Variants in FGFBP1 observed in about 807,000 individuals in gnomAD.
The protein encoded by FGFBP1 is fibroblast growth factor binding protein 1, also known as fibroblast growth factor-binding protein 1.
Under a neutral mutation model 14.6 loss-of-function variants are expected in FGFBP1, and 12 were observed. The ratio of observed to expected loss-of-function variants is 0.82; its 90% CI spans 0.53 to 1.33. FGFBP1 has a LOEUF of 1.33. Among genes scored for constraint, FGFBP1 ranks in the 40% most tolerant of loss-of-function variants. The pLI, the probability that FGFBP1 is intolerant of heterozygous loss-of-function variation, is 0.00. For missense variants in FGFBP1, 317 were observed against 271.8 expected (o/e 1.17, Z -1.17); for synonymous variants, 117 against 105.0 (o/e 1.11, Z -0.70).
chr4:15,938,334 G>C lies in FGFBP1; in HGVS notation c.-104C>G, dbSNP rs1712545615. 1 of 152,358 alleles carries C rather than the reference G, an allele frequency of 6.6e-6. No individual in the cohort carries two copies. The highest frequency in any genetic ancestry group is 2.1e-4 in the South Asian group (1 of 4,836). 9.4% of individuals were successfully genotyped at this position (152,358 alleles called of 1,614,324 possible). A position where few individuals can be genotyped will look rare whatever the true frequency, so the allele number is the denominator to read the frequency against. On this transcript the variant is annotated 5_prime_UTR_variant, in exon 2 of 3. Coordinates refer to ENST00000382333, the MANE Select transcript of FGFBP1 (RefSeq NM_005130.5). ...GCAGCTGTGTCAGGTAGAGTGCAAG[G>C]GGGGTAGACTATTCAACAGGAGCCA... is the stretch of plus-strand genomic sequence containing the variant.
intron 2 of FGFBP1, among the ~76,000 whole-genome samples, chr4:15,937,231 A>T (rs781675151): frequency 6.3e-4 from 83 of 131,390 alleles, no homozygotes; most frequent in South Asian, 3.9e-3. Context: ...AAAATGAGAA[A>T]GGATGTGGTA....
intron 2 of FGFBP1, among the ~76,000 whole-genome samples, chr4:15,937,318 G>C (rs554614595): frequency 6.6e-6 from 1 of 151,976 alleles, no homozygotes; most frequent in Non-Finnish European, 1.5e-5. Context: ...TTGTGGGGGT[G>C]GGGGAGCTTT....
In FGFBP1 at chr4:15,936,534, G is replaced by T; in HGVS notation, c.99C>A (p.Ser33Arg). 6.2e-7 allele frequency: 1 copy of T among 1,614,026 alleles called. No homozygotes were observed. Among genetic ancestry groups the T allele is most frequent in the Non-Finnish European group, 8.5e-7 (1 of 1,180,002 alleles). ...GKKKVKNGLH[S>R]KVVSEQKDTL... ...TGTCCTTTTGTTCTGAGACCACTTT[G>T]CTGTGAAGTCCATTCTTCACTTTTT... Residue 33 changes from serine (S) to arginine (R), a missense_variant, in exon 3 of 3, where the codon AGC becomes AGA. Transcript: ENST00000382333.
In FGFBP1 at chr4:15,935,673, T is replaced by C. The variant is rs1051727130; in HGVS notation, c.*255A>G. On this transcript the variant is annotated 3_prime_UTR_variant, in exon 3 of 3. Transcript: ENST00000382333. The stretch of plus-strand genomic sequence containing the variant: ...TCTGGCTCATTCAGCTCAAAGACTC[T>C]TCGCTGCTCAAACACATAGCTGTGT... The C allele has an allele frequency of 6.5e-5, 23 of 351,520 alleles. No individual in the cohort carries two copies. Among genetic ancestry groups the C allele is most frequent in the African/African-American group, 4.6e-4 (22 of 48,034 alleles). The allele number at this position is 351,520 out of a possible 1,614,324, so 21.8% of individuals were successfully genotyped here. A position where few individuals can be genotyped will look rare whatever the true frequency, so the allele number is the denominator to read the frequency against.
chr4:15,936,026 T>A lies in FGFBP1; in HGVS notation c.607A>T (p.Met203Leu). 6.2e-7 allele frequency: 1 copy of A among 1,614,144 alleles called. No homozygotes were observed. The highest frequency in any genetic ancestry group is 8.5e-7 in the Non-Finnish European group (1 of 1,180,000). ...KAPECVEDPD[M>L]ANQRKTALEF... is the part of the protein sequence containing the mutation. ...AGGGCAGTCTTCCTCTGGTTTGCCA[T>A]ATCTGGGTCCTCCACACACTCGGGA... Residue 203 changes from methionine to leucine, a missense_variant, in exon 3 of 3, where the codon ATG becomes TTG. Met to Leu is a conservative substitution (Grantham distance 15). Coordinates refer to ENST00000382333, the MANE Select transcript of FGFBP1 (RefSeq NM_005130.5).
Position 15,936,640 on chromosome 4 carries a change from G to T in FGFBP1, c.-8C>A, listed in dbSNP as rs1457243470. 1 of 1,592,782 alleles carries T rather than the reference G, an allele frequency of 6.3e-7. No individual in the cohort carries two copies. Among genetic ancestry groups the T allele is most frequent in the Admixed American group, 1.7e-5 (1 of 59,106 alleles). On this transcript the variant is annotated 5_prime_UTR_variant, in exon 3 of 3. In the 5' UTR this introduces an upstream ATG that the reference lacks. Transcript: ENST00000382333. ...GAGGCTACAGATCTTCATGGCTGCA[G>T]CTGGGCGTTCACCTGTTTGACAAAA...
chr4:15,936,127 G>C lies in FGFBP1; in HGVS notation c.506C>G (p.Ser169Cys), dbSNP rs747329664. The change falls in exon 3 of 3, where the codon TCC becomes TGC. Residue 169 changes from serine (S) to cysteine (C), a missense_variant. By Grantham distance (112) the Ser-to-Cys change is moderately radical (BLOSUM62 -1). Transcript: ENST00000382333. ...TKPRKEKTEM[S>C]PREHIKGKET... Reference sequence around the variant, plus strand: ...TTTGCCTTTGATGTGCTCCCTGGGGGACATCTCTGTTTTCTCCTTCCTGGG... The same window carrying C: ...TTTGCCTTTGATGTGCTCCCTGGGGCACATCTCTGTTTTCTCCTTCCTGGG... The C allele has an allele frequency of 6.2e-7, 1 of 1,613,998 alleles. No homozygotes were observed.
In FGFBP1 at chr4:15,935,938, G is replaced by T; in HGVS notation, c.695C>A (p.Thr232Lys). ...TCTCTTTTGACCTCATTAGCATGAC[G>T]TGTCCTGCACTATGCTGAGGAAGAA... ...CTFFLSIVQDTSC is the reference protein window; with the variant it reads ...CTFFLSIVQDKSC Residue 232 changes from threonine to lysine, a missense_variant, in exon 3 of 3, where the codon ACG (threonine) becomes AAG (lysine). Thr to Lys is a moderately conservative substitution (Grantham distance 78). Coordinates refer to ENST00000382333, the MANE Select transcript of FGFBP1 (RefSeq NM_005130.5). The T allele has an allele frequency of 1.9e-6, 3 of 1,591,792 alleles. No individual in the cohort carries two copies.
In FGFBP1 at chr4:15,936,450, G is replaced by A; in HGVS notation, c.183C>T (p.Val61=). 1 of 1,614,204 alleles carries A rather than the reference G, an allele frequency of 6.2e-7. No homozygotes were observed. Among genetic ancestry groups the A allele is most frequent in the South Asian group, 1.1e-5 (1 of 91,078 alleles). ...ATCTGCAGTTGGCTTGGTCTTTGGT[G>A]ACAAACTTGCCTTTGTTCCCGGGCC... is the stretch of plus-strand genomic sequence containing the variant. ...KSRPGNKGKF[V]TKDQANCRWA... Residue 61 remains valine (V), a synonymous_variant, in exon 3 of 3, where the codon GTC becomes GTT. Coordinates refer to ENST00000382333, the MANE Select transcript of FGFBP1 (RefSeq NM_005130.5).
rs771824127 is a variant in FGFBP1 at position 15,936,511 on chromosome 4, TC to T, written c.121del (p.Asp41ThrfsTer64). 4.3e-6 allele frequency: 7 copies of T among 1,614,156 alleles called. No individual in the cohort carries two copies. Among genetic ancestry groups the T allele is most frequent in the Non-Finnish European group, 5.1e-6 (6 of 1,180,010 alleles). ...LHSKVVSEQK[D>X]TLGNTQIKQK... is the part of the protein sequence containing the mutation. ...CTTAATCTGGGTGTTGCCCAGAGTG[TC>T]CTTTTGTTCTGAGACCACTTTGCTG... On this transcript the variant is annotated frameshift_variant, in exon 3 of 3. Transcript: ENST00000382333. LOFTEE classifies it high-confidence loss of function.
rs542619648 is a variant in FGFBP1, at chr4:15,935,655, C to T, written c.*273G>A. The stretch of plus-strand genomic sequence containing the variant: ...TTGCACTGAAATTATCACTCTGGCT[C>T]ATTCAGCTCAAAGACTCTTCGCTGC... On this transcript the variant is annotated 3_prime_UTR_variant, in exon 3 of 3. Transcript: ENST00000382333. 1.1e-4 allele frequency: 34 copies of T among 315,662 alleles called. No homozygotes were observed. The South Asian group carries it at 4.1e-3, about 38-fold the overall frequency. 19.6% of individuals were successfully genotyped at this position (315,662 alleles called of 1,614,324 possible). A position where few individuals can be genotyped will look rare whatever the true frequency, so the allele number is the denominator to read the frequency against.
rs199528852 is a variant in FGFBP1 at position 15,936,280 on chromosome 4, C to G, written c.353G>C (p.Arg118Pro). ...DERVYWKQVA[R>P]NLRSQKDICR... ...GATGTCTTTCTGTGAGCGCAGATTC[C>G]GGGCAACTTGTTTCCAATAGACTCT... is the stretch of plus-strand genomic sequence containing the variant. Residue 118 changes from arginine (R) to proline (P), a missense_variant, in exon 3 of 3, where the codon CGG becomes CCG. By Grantham distance (103) the Arg-to-Pro change is moderately radical (BLOSUM62 -2). Transcript: ENST00000382333. 1 of 1,614,146 alleles carries G rather than the reference C, an allele frequency of 6.2e-7. No homozygotes were observed.
rs1041479951 is a variant in FGFBP1, at chr4:15,938,342, A to C, written c.-112T>G. 1.3e-5 allele frequency: 2 copies of C among 152,348 alleles called. No homozygotes were observed. Among genetic ancestry groups the C allele is most frequent in the Admixed American group, 6.5e-5 (1 of 15,292 alleles). 9.4% of individuals were successfully genotyped at this position (152,348 alleles called of 1,614,324 possible). ...GTCAGGTAGAGTGCAAGGGGGGTAGACTATTCAACAGGAGCCAGGCTGACT... is the reference window on the plus strand; with the variant it reads ...GTCAGGTAGAGTGCAAGGGGGGTAGCCTATTCAACAGGAGCCAGGCTGACT... On this transcript the variant is annotated 5_prime_UTR_variant, in exon 2 of 3. Transcript: ENST00000382333.
rs148399861 is a variant in FGFBP1, at chr4:15,936,598, A to G, written c.35T>C (p.Leu12Pro). 42 of 1,612,306 alleles carry G rather than the reference A, an allele frequency of 2.6e-5. No homozygotes were observed. The highest frequency in any genetic ancestry group is 1.7e-4 in the Middle Eastern group (1 of 5,996). ...KICSLTLLSF[L>P]LLAAQVLLVE... ...CAGGAGCACCTGAGCAGCCAGTAGGAGGAAGGAGAGCAGGGTGAGGCTACA... is the reference window on the plus strand; with the variant it reads ...CAGGAGCACCTGAGCAGCCAGTAGGGGGAAGGAGAGCAGGGTGAGGCTACA... The change falls in exon 3 of 3, where the codon CTC becomes CCC. Residue 12 changes from leucine (L) to proline (P), a missense_variant. Leu to Pro is a moderately conservative substitution (Grantham distance 98). Coordinates refer to ENST00000382333, the MANE Select transcript of FGFBP1 (RefSeq NM_005130.5).
Position 15,936,371 on chromosome 4 carries a change from A to T in FGFBP1, c.262T>A (p.Leu88Met). Residue 88 changes from leucine (L) to methionine (M), a missense_variant, in exon 3 of 3, where the codon TTG becomes ATG. Coordinates refer to ENST00000382333, the MANE Select transcript of FGFBP1 (RefSeq NM_005130.5). Reference protein sequence around the residue: ...GISLKVECTQLDHEFSCVFAG... With the variant: ...GISLKVECTQMDHEFSCVFAG... Reference sequence around the variant, plus strand: ...AAGACACAGGAAAATTCATGGTCCAATTGAGTGCACTCAACCTTGAGAGAG... The same window carrying T: ...AAGACACAGGAAAATTCATGGTCCATTTGAGTGCACTCAACCTTGAGAGAG... The T allele has an allele frequency of 6.2e-7, 1 of 1,614,196 alleles. No individual in the cohort carries two copies. The highest frequency in any genetic ancestry group is 1.6e-4 in the Middle Eastern group (1 of 6,062).
chr4:15,936,286 A>G lies in FGFBP1; in HGVS notation c.347T>C (p.Val116Ala). The G allele has an allele frequency of 1.2e-6, 2 of 1,614,126 alleles. No individual in the cohort carries two copies. Among genetic ancestry groups the G allele is most frequent in the Non-Finnish European group, 1.7e-6 (2 of 1,180,006 alleles). The change falls in exon 3 of 3, where the codon GTT (valine) becomes GCT (alanine). Residue 116 changes from valine to alanine, a missense_variant. Val to Ala is a moderately conservative substitution (Grantham distance 64, BLOSUM62 0). Transcript: ENST00000382333. ...LKDERVYWKQVARNLRSQKDI... is the reference protein window; with the variant it reads ...LKDERVYWKQAARNLRSQKDI... ...TTTCTGTGAGCGCAGATTCCGGGCA[A>G]CTTGTTTCCAATAGACTCTCTCATC...
At position 15,938,307 on chromosome 4, in the gene FGFBP1, C is replaced by T. The variant is rs1468044790; in HGVS notation, c.-77G>A. 3 of 152,320 alleles carry T rather than the reference C, an allele frequency of 2.0e-5. No individual in the cohort carries two copies. The highest frequency in any genetic ancestry group is 4.8e-5 in the African/African-American group (2 of 41,450). 9.4% of individuals were successfully genotyped at this position (152,320 alleles called of 1,614,324 possible). On this transcript the variant is annotated 5_prime_UTR_variant, in exon 2 of 3. Coordinates refer to ENST00000382333, the MANE Select transcript of FGFBP1 (RefSeq NM_005130.5). ...CCAGGCAGTGCGAGTGAATTGCAGG[C>T]TGCAGCTGTGTCAGGTAGAGTGCAA...
chr4:15,937,409 A>C (rs1022770834), intron 2 of FGFBP1, among the ~76,000 whole-genome samples: 2 of 152,136 alleles, frequency 1.3e-5, no homozygotes, highest in African/African-American at 2.4e-5. Flanking sequence ...ATCAGGGTGG[A>C]GAGAGGTGAA....
At chr4:15,936,738 G>T (rs1445667587) in intron 2 of FGFBP1, 86 bp from the exon 3 acceptor site, 7 of 757,228 alleles carry the variant, frequency 9.2e-6, no homozygotes, top group African/African-American at 7.0e-5. Context: ...ACCCTGACAG[G>T]TGCCTACATG....
Sources: allele counts gnomAD v4.1 joint callset (sites outside exome capture counted in the v4.1 genomes callset), GRCh38; gene constraint gnomAD v4.1.1; transcripts MANE v1.5; gene names NCBI Gene and HGNC (gene_info 2026-07-23, HGNC 2026-07-21).